Variants in CECR2 observed in about 807,000 individuals in gnomAD.
CECR2 encodes CECR2 histone acetyl-lysine reader.
Under a neutral mutation model 154.5 loss-of-function variants are expected in CECR2, and 30 were observed. The ratio of observed to expected loss-of-function variants is 0.19; its 90% CI spans 0.15 to 0.26. The LOEUF (loss-of-function observed/expected upper bound fraction) is 0.26, where lower values mean the gene tolerates loss of function less well. CECR2 is among the 10% of genes least tolerant of loss of function. The probability of loss-of-function intolerance (pLI) is 1.00; values close to 1 mark genes in which losing one functional copy is unlikely to be tolerated. For missense variants in CECR2, 1,743 were observed against 1,829.3 expected (o/e 0.95, Z 0.86); for synonymous variants, 725 against 683.7 (o/e 1.06, Z -0.94).
At chr22:17,490,147 TTGTG>T (rs66788556) in intron 2 of CECR2, among the ~76,000 whole-genome samples, 8 of 149,676 alleles carry the variant, frequency 5.3e-5, no homozygotes, top group African/African-American at 2.0e-4. Context: ...TGTTTTTTTT[TTGTG>T]TGTGTGTGTG....
In CECR2 at chr22:17,387,200, T is replaced by C. The variant is rs559762914; in HGVS notation, c.126+17291T>C. 5.9e-5 allele frequency among the ~76,000 whole-genome samples: 9 copies of C among 152,346 alleles called. No individual in the cohort carries two copies. In the South Asian group the frequency reaches 1.0e-3, roughly 18 times the overall value. ...GGAGTTACAGCTCAACAGAAAGCCT[T>C]CTTTTGTCTCATTTCTCCACTGGTT... On this transcript the variant is annotated intron_variant, in intron 1 of 18. Coordinates refer to ENST00000262608, the MANE Select transcript of CECR2 (RefSeq NM_001290047.2).
intron 1 of CECR2, among the ~76,000 whole-genome samples, chr22:17,451,140 G>A (rs1034576403): frequency 2.0e-5 from 3 of 152,246 alleles, no homozygotes; most frequent in Admixed American, 6.5e-5. Context: ...AAGAAGCTGA[G>A]ACAAAATTGA....
At chr22:17,548,117 T>A in intron 16 of CECR2, 31 bp from the exon 17 acceptor site, 1 of 1,479,102 alleles carries the variant, frequency 6.8e-7, no homozygotes, top group Non-Finnish European at 9.0e-7. Context: ...TACTGAGTTA[T>A]TTTTTCTCCT....
At chr22:17,536,400 C>G (rs1477191739) in intron 9 of CECR2, among the ~76,000 whole-genome samples, 1 of 152,252 alleles carries the variant, frequency 6.6e-6, no homozygotes, top group African/African-American at 2.4e-5. Context: ...GGTAAGTGCC[C>G]CATCAGGCTG....
chr22:17,501,969 G>T (rs967665387), intron 5 of CECR2, among the ~76,000 whole-genome samples: 1 of 152,090 alleles, frequency 6.6e-6, no homozygotes. Context: ...GTTCACGCTG[G>T]CCACGTTTCA....
At chr22:17,505,137 C>A in intron 7 of CECR2, 121 bp downstream of exon 7, 1 of 936,538 alleles carries the variant, frequency 1.1e-6, no homozygotes, top group Non-Finnish European at 1.6e-6. Context: ...AGTCTTCCAT[C>A]CTGTCTGAAC....
At chr22:17,434,104 T>G (rs773037383) in intron 1 of CECR2, among the ~76,000 whole-genome samples, 12,128 of 152,228 alleles carry the variant, frequency 0.08, 1,028 homozygotes, top group African/African-American at 0.22. Context: ...CGTATTTCAC[T>G]TACTTACTCT....
At position 17,490,724 on chromosome 22, in the gene CECR2, C is replaced by A. The variant is rs142713909; in HGVS notation, c.222-6679C>A. 3.7e-3 allele frequency among the ~76,000 whole-genome samples: 561 copies of A among 152,308 alleles called. 4 individuals carry two copies. The highest frequency in any genetic ancestry group is 0.012 in the African/African-American group (508 of 41,568). ...TCAGCCTCCCAAAGTGCTAGGATTA[C>A]AGGCATGAGCCACCATGCCAGGCCT... On this transcript the variant is annotated intron_variant, in intron 2 of 18. Transcript: ENST00000262608.
At chr22:17,367,141 G>A (rs899592028), upstream of CECR2, among the ~76,000 whole-genome samples, 3 of 152,176 alleles carry the variant, frequency 2.0e-5, no homozygotes, top group Admixed American at 6.6e-5. Context: ...GGCAGTAGGC[G>A]GAGGAGGCAG....
At chr22:17,361,259 G>A (rs2062975570) in intron 1 of CECR2, among the ~76,000 whole-genome samples, 1 of 152,154 alleles carries the variant, frequency 6.6e-6, no homozygotes, top group South Asian at 2.1e-4. Flanking sequence ...AGGCCGAGGT[G>A]GGCATATCAT....
chr22:17,438,383 G>C (rs1238800088), intron 1 of CECR2, among the ~76,000 whole-genome samples: 3 of 152,200 alleles, frequency 2.0e-5, no homozygotes. Flanking sequence ...ACTTTGATGA[G>C]ACTTGTCGAC....
intron 1 of CECR2, chr22:17,418,995 C>A: frequency 5.5e-6 from 1 of 183,172 alleles, no homozygotes; most frequent in Non-Finnish European, 1.2e-5. Context: ...GGGGACACTG[C>A]TCGGAGACAA....
At chr22:17,492,348 G>T (rs574783950) in intron 2 of CECR2, among the ~76,000 whole-genome samples, 57 of 152,288 alleles carry the variant, frequency 3.7e-4, no homozygotes, top group African/African-American at 1.3e-3. Context: ...ACAGGGTGCA[G>T]ATATTAACAA....
At chr22:17,485,053 C>A (rs890752539) in intron 2 of CECR2, among the ~76,000 whole-genome samples, 8 of 152,184 alleles carry the variant, frequency 5.3e-5, no homozygotes, top group African/African-American at 1.9e-4. Flanking sequence ...TTTGCACTTA[C>A]AGGACAGCAT....
chr22:17,441,023 T>C (rs1206073955), intron 1 of CECR2, among the ~76,000 whole-genome samples: 1 of 152,016 alleles, frequency 6.6e-6, no homozygotes. Flanking sequence ...AGTGGAGTGA[T>C]CTCAGCTTAC....
At chr22:17,500,942 G>A (rs747489555) in intron 5 of CECR2, among the ~76,000 whole-genome samples, 5 of 152,148 alleles carry the variant, frequency 3.3e-5, no homozygotes, top group East Asian at 1.9e-4. Flanking sequence ...CTCTCTAAGC[G>A]AGTCCTCTTA....
chr22:17,491,191 T>G (rs868778433), intron 2 of CECR2, among the ~76,000 whole-genome samples: 2 of 152,174 alleles, frequency 1.3e-5, no homozygotes, highest in African/African-American at 4.8e-5. Context: ...GCGCAAGTCT[T>G]TGTGTGGATG....
intron 2 of CECR2, among the ~76,000 whole-genome samples, chr22:17,492,485 G>A (rs1187579488): frequency 1.3e-5 from 2 of 152,178 alleles, no homozygotes; most frequent in East Asian, 3.8e-4. Flanking sequence ...GGAGCAAGCT[G>A]AGAAATTCTC....
intron 1 of CECR2, among the ~76,000 whole-genome samples, chr22:17,384,010 A>G (rs190345008): frequency 7.9e-5 from 12 of 152,106 alleles, no homozygotes; most frequent in Non-Finnish European, 1.0e-4. Flanking sequence ...TGCTGTATCT[A>G]TCGCATCTGT....
Sources: allele counts gnomAD v4.1 joint callset (sites outside exome capture counted in the v4.1 genomes callset), GRCh38; gene constraint gnomAD v4.1.1; transcripts MANE v1.5; gene names NCBI Gene and HGNC (gene_info 2026-07-23, HGNC 2026-07-21).